HHLA2: variants seen among roughly 807,000 people sequenced by gnomAD.
HHLA2 encodes the protein HHLA2 member of B7 family.
A neutral mutation model predicts 45.9 loss-of-function variants in HHLA2; 48 were observed. The observed-to-expected ratio is 1.05, with a 90% CI of 0.83 to 1.33. The LOEUF (loss-of-function observed/expected upper bound fraction) is 1.33. Among genes scored for constraint, HHLA2 ranks in the 40% most tolerant of loss-of-function variants. HHLA2 has a pLI of 0.00. For synonymous variants in HHLA2, 161 were observed against 173.9 expected, an observed-to-expected ratio of 0.93 and a Z score of 0.59; for missense variants, 462 against 494.3, an observed-to-expected ratio of 0.93 and a Z score of 0.62.
In HHLA2 at chr3:108,335,885, G is replaced by C. The variant is rs541858004; in HGVS notation, c.-27+7538G>C. ...CAGACCATGCTAATACAGTAGCTGAGTGATCCATTTGTCAACCTTAGAGAC... is the reference window on the plus strand; with the variant it reads ...CAGACCATGCTAATACAGTAGCTGACTGATCCATTTGTCAACCTTAGAGAC... On this transcript the variant is annotated intron_variant, in intron 3 of 10. Transcript: ENST00000619531. Among the ~76,000 whole-genome samples the C allele has an allele frequency of 1.6e-4, 25 of 152,086 alleles. 1 individual carries two copies. The South Asian group carries it at 1.7e-3, about 10-fold the overall frequency.
At chr3:108,343,418 T>C (rs1226405799) in intron 3 of HHLA2, among the ~76,000 whole-genome samples, 1 of 152,232 alleles carries the variant, frequency 6.6e-6, no homozygotes, top group African/African-American at 2.4e-5. Context: ...TTTTCTTGTG[T>C]ACCAGCTAGT....
At chr3:108,377,336 A>C in exon 11 of HHLA2, 1 of 1,300,112 alleles carries the variant, frequency 7.7e-7, no homozygotes, top group Non-Finnish European at 1.1e-6. Flanking sequence ...CAGTGACTTC[A>C]TCTCCCCTTT....
intron 10 of HHLA2, 163 bp downstream of exon 9, chr3:108,376,720 G>C: frequency 3.7e-6 from 2 of 543,214 alleles, no homozygotes; most frequent in South Asian, 4.7e-5. Context: ...AATATAATTA[G>C]GCTTTTCCCA....
intron 10 of HHLA2, 83 bp downstream of exon 9, chr3:108,376,640 C>T (rs746715696): frequency 1.7e-6 from 2 of 1,199,604 alleles, no homozygotes; most frequent in African/African-American, 3.0e-5. Flanking sequence ...GACTGATTCA[C>T]ATATCATCAA....
chr3:108,328,264 A>G (rs2107369180), intron 2 of HHLA2: 1 of 1,419,382 alleles, frequency 7.0e-7, no homozygotes, highest in East Asian at 2.7e-5. Context: ...AATTTTATCC[A>G]CACAGCATGT....
intron 2 of HHLA2, among the ~76,000 whole-genome samples, chr3:108,321,165 T>C (rs2081194854): frequency 6.6e-6 from 1 of 150,674 alleles, no homozygotes; most frequent in African/African-American, 2.4e-5. Context: ...GGCATGTCCA[T>C]TTAGACTCAC....
chr3:108,367,011 A>C (rs1400728961), intron 8 of HHLA2, among the ~76,000 whole-genome samples: 2 of 152,208 alleles, frequency 1.3e-5, no homozygotes, highest in Non-Finnish European at 2.9e-5. Context: ...AGGAAGGAGC[A>C]GGCAGCAATC....
chr3:108,377,298 A>G (rs746704480), exon 11 of HHLA2: 25 of 1,563,164 alleles, frequency 1.6e-5, no homozygotes, highest in Non-Finnish European at 2.2e-5. Flanking sequence ...GAAGACTGTG[A>G]CAACTCATGA....
At chr3:108,337,573 A>G (rs1168614659) in intron 3 of HHLA2, among the ~76,000 whole-genome samples, 1 of 152,192 alleles carries the variant, frequency 6.6e-6, no homozygotes, top group African/African-American at 2.4e-5. Context: ...AGCAGCTTAT[A>G]TCTTGATGTC....
At chr3:108,364,983 A>C (rs1468595569) in intron 8 of HHLA2, among the ~76,000 whole-genome samples, 1 of 152,212 alleles carries the variant, frequency 6.6e-6, no homozygotes, top group African/African-American at 2.4e-5. Context: ...ATGGCTGAGC[A>C]GATGCTCTTT....
At chr3:108,374,001 A>T (rs1017366403) in intron 8 of HHLA2, among the ~76,000 whole-genome samples, 8 of 151,230 alleles carry the variant, frequency 5.3e-5, no homozygotes, top group African/African-American at 1.9e-4. Context: ...ATGGAACCAA[A>T]AAAGAGCCCG....
intron 2 of HHLA2, among the ~76,000 whole-genome samples, chr3:108,315,325 G>A (rs891280895): frequency 1.3e-5 from 2 of 152,286 alleles, no homozygotes; most frequent in African/African-American, 4.8e-5. Context: ...GATGGATCCT[G>A]TTCCATAGAA....
chr3:108,300,645 G>A (rs1260014889), intron 1 of HHLA2, among the ~76,000 whole-genome samples: 1 of 152,060 alleles, frequency 6.6e-6, no homozygotes, highest in Non-Finnish European at 1.5e-5. Flanking sequence ...TTATCACGAG[G>A]GAAGCTAGGT....
intron 1 of HHLA2, chr3:108,302,935 G>A (rs570773112): frequency 2.6e-5 from 4 of 152,060 alleles, no homozygotes; most frequent in Non-Finnish European, 5.9e-5. Context: ...TCCTGGACTC[G>A]GTATGCTCTG....
At chr3:108,376,862 T>C (rs912034024) in intron 10 of HHLA2, 4 of 335,430 alleles carry the variant, frequency 1.2e-5, no homozygotes, top group Non-Finnish European at 2.2e-5. Context: ...ATTCTTATGA[T>C]AGAAGCATGA....
chr3:108,372,292 C>T (rs1019435711), intron 8 of HHLA2, among the ~76,000 whole-genome samples: 15 of 151,820 alleles, frequency 9.9e-5, no homozygotes, highest in African/African-American at 3.1e-4. Context: ...AACAAAGACA[C>T]AACATACCAG....
rs980217979 is a variant in HHLA2 at position 108,362,873 on chromosome 3, TG to T, written c.1108+428del. On this transcript the variant is annotated intron_variant, in intron 8 of 10. Transcript: ENST00000619531. ...GAAAAAAGCCAAAGCTTTAAGATGT[TG>T]CCTTTGGAGTGATAGGACCATGAGT... is the stretch of plus-strand genomic sequence containing the variant. 7.4e-4 allele frequency among the ~76,000 whole-genome samples: 113 copies of T among 152,228 alleles called. 1 individual carries two copies. Among genetic ancestry groups the T allele is most frequent in the African/African-American group, 2.6e-3 (107 of 41,532 alleles).
chr3:108,316,660 T>G (rs1306184267), intron 2 of HHLA2, among the ~76,000 whole-genome samples: 1 of 152,244 alleles, frequency 6.6e-6, no homozygotes, highest in East Asian at 1.9e-4. Context: ...CCCAATGCAC[T>G]GATTAAGCTT....
intron 3 of HHLA2, among the ~76,000 whole-genome samples, chr3:108,331,052 G>T (rs573685424): frequency 6.6e-6 from 1 of 152,098 alleles, no homozygotes; most frequent in Non-Finnish European, 1.5e-5. Context: ...TACAGCTGCC[G>T]CAGTTTATTA....
Sources: allele counts gnomAD v4.1 joint callset (sites outside exome capture counted in the v4.1 genomes callset), GRCh38; gene constraint gnomAD v4.1.1; transcripts MANE v1.5; gene names NCBI Gene and HGNC (gene_info 2026-07-23, HGNC 2026-07-21).